Variants in FOXP1 observed in about 807,000 individuals in gnomAD.
The protein encoded by FOXP1 is forkhead box protein P1.
Under a neutral mutation model 98.2 loss-of-function variants are expected in FOXP1, and 15 were observed. That is an observed-to-expected ratio of 0.15 (90% CI 0.10 to 0.24). FOXP1 has a LOEUF of 0.24. Ranked by LOEUF, FOXP1 falls within the 10% of genes least tolerant of loss-of-function variation. The pLI, the probability that FOXP1 is intolerant of heterozygous loss-of-function variation, is 1.00. For synonymous variants in FOXP1, 371 were observed against 314.5 expected (o/e 1.18, Z -1.90); for missense variants, 633 against 848.5 (o/e 0.75, Z 3.15).
intron 5 of FOXP1, among the ~76,000 whole-genome samples, chr3:71,237,616 G>A (rs3732733): frequency 0.12 from 17,599 of 152,232 alleles, 1,216 homozygotes; most frequent in South Asian, 0.23. Context: ...AAGGAACGGT[G>A]CTAGGAAAGG....
chr3:71,369,328 T>C (rs1015480620), intron 3 of FOXP1, among the ~76,000 whole-genome samples: 1 of 152,104 alleles, frequency 6.6e-6, no homozygotes, highest in Non-Finnish European at 1.5e-5. Context: ...ATGCGGAGGC[T>C]GCAGTGAGCC....
chr3:71,279,865 T>G (rs1360238118), intron 5 of FOXP1, among the ~76,000 whole-genome samples: 1 of 152,074 alleles, frequency 6.6e-6, no homozygotes, highest in Non-Finnish European at 1.5e-5. Context: ...GGCTCATACC[T>G]GTAATCCCAG....
intron 14 of FOXP1, 76 bp downstream of exon 14, chr3:70,987,918 T>C (rs2040007573): frequency 9.5e-6 from 13 of 1,367,088 alleles, no homozygotes; most frequent in Non-Finnish European, 1.1e-5. Context: ...TCCTCCTTCC[T>C]CCATTTGGGG....
intron 6 of FOXP1, chr3:71,130,457 T>C: frequency 6.3e-7 from 1 of 1,588,664 alleles, no homozygotes; most frequent in South Asian, 1.1e-5. Flanking sequence ...TTTAAAAGTT[T>C]AACCCAGCAA....
At chr3:71,181,707 T>G (rs927142346) in intron 6 of FOXP1, among the ~76,000 whole-genome samples, 2 of 151,956 alleles carry the variant, frequency 1.3e-5, no homozygotes, top group African/African-American at 4.8e-5. Flanking sequence ...GGGAAGAAAC[T>G]TAGAAGTGGG....
At chr3:71,320,327 G>T (rs186985153) in intron 4 of FOXP1, among the ~76,000 whole-genome samples, 2 of 152,006 alleles carry the variant, frequency 1.3e-5, no homozygotes, top group East Asian at 1.9e-4. Context: ...GTTAGCCGCT[G>T]CTTGGTCCTC....
intron 7 of FOXP1, among the ~76,000 whole-genome samples, chr3:71,069,044 C>A (rs1001065327): frequency 6.6e-6 from 1 of 152,148 alleles, no homozygotes; most frequent in Non-Finnish European, 1.5e-5. Flanking sequence ...GCAGTTAGCT[C>A]CATATTGATA....
At chr3:71,170,135 CTT>C (rs2061577858) in intron 6 of FOXP1, among the ~76,000 whole-genome samples, 1 of 152,168 alleles carries the variant, frequency 6.6e-6, no homozygotes, top group Non-Finnish European at 1.5e-5. Flanking sequence ...AATAATGAGT[CTT>C]AATCTAAAAT....
intron 13 of FOXP1, among the ~76,000 whole-genome samples, chr3:70,999,823 C>T (rs1364548761): frequency 6.6e-6 from 1 of 152,300 alleles, no homozygotes; most frequent in East Asian, 1.9e-4. Context: ...TGTACTTAGC[C>T]TAGGGCTCTC....
chr3:71,524,066 C>G (rs1193308108), intron 2 of FOXP1, among the ~76,000 whole-genome samples: 1 of 152,182 alleles, frequency 6.6e-6, no homozygotes, highest in Non-Finnish European at 1.5e-5. Context: ...GAAACAACCT[C>G]AATTCAGTGA....
chr3:71,574,815 C>T (rs1219209070), intron 2 of FOXP1, among the ~76,000 whole-genome samples: 7 of 152,134 alleles, frequency 4.6e-5, no homozygotes, highest in Non-Finnish European at 8.8e-5. Flanking sequence ...TGGTGAAAAC[C>T]ACCGATGTTC....
At chr3:71,051,893 T>C (rs570239060) in intron 9 of FOXP1, among the ~76,000 whole-genome samples, 1 of 152,296 alleles carries the variant, frequency 6.6e-6, no homozygotes, top group East Asian at 1.9e-4. Flanking sequence ...TTATGGACAC[T>C]ACCAAGCGTG....
At chr3:71,468,414 G>C (rs2108574143) in intron 3 of FOXP1, among the ~76,000 whole-genome samples, 1 of 152,284 alleles carries the variant, frequency 6.6e-6, no homozygotes, top group Non-Finnish European at 1.5e-5. Flanking sequence ...TACCTTGAAA[G>C]ACTCTTGCCA....
intron 6 of FOXP1, among the ~76,000 whole-genome samples, chr3:71,119,584 T>C (rs976122176): frequency 2.0e-5 from 3 of 151,948 alleles, no homozygotes; most frequent in African/African-American, 7.2e-5. Context: ...ATCCTCTACA[T>C]ACTCTTTGAC....
chr3:71,057,480 A>T lies in FOXP1; in HGVS notation c.283-3707T>A, dbSNP rs1407626085. On this transcript the variant is annotated intron_variant, in intron 7 of 20. Transcript: ENST00000649528. ...ATTTAAATATAAGGCAAAAAAAAAAAAAAAATTTCCGATACTGTAACTACC... is the reference window on the plus strand; with the variant it reads ...ATTTAAATATAAGGCAAAAAAAAAATAAAAATTTCCGATACTGTAACTACC... Among the ~76,000 whole-genome samples, 3 of 151,370 alleles carry T rather than the reference A, an allele frequency of 2.0e-5. No individual in the cohort carries two copies. The East Asian group carries it at 5.8e-4, about 29-fold the overall frequency.
At chr3:71,462,120 C>T (rs1015035808) in intron 3 of FOXP1, among the ~76,000 whole-genome samples, 2 of 152,184 alleles carry the variant, frequency 1.3e-5, no homozygotes, top group African/African-American at 4.8e-5. Flanking sequence ...CCTTACAGGA[C>T]TGCACATAAA....
In FOXP1 at chr3:71,475,597, CTTTGGG is replaced by C. The variant is rs539215698; in HGVS notation, c.-168+17823_-168+17828del. Among the ~76,000 whole-genome samples the C allele has an allele frequency of 4.3e-3, 662 of 152,264 alleles. 4 individuals carry two copies. The highest frequency in any genetic ancestry group is 0.01 in the Middle Eastern group (3 of 294). On this transcript the variant is annotated intron_variant, in intron 3 of 20. Coordinates refer to ENST00000649528, the MANE Select transcript of FOXP1 (RefSeq NM_001349338.3). ...GTGACTCACGCCTGTAATCCCAGCA[CTTTGGG>C]AGGGTGAGGTGGGCAGATCACTTGA...
intron 11 of FOXP1, among the ~76,000 whole-genome samples, chr3:71,018,584 T>C (rs1305005057): frequency 6.6e-6 from 1 of 152,234 alleles, no homozygotes; most frequent in Non-Finnish European, 1.5e-5. Context: ...GTACACACTG[T>C]TGTCATTTGC....
intron 18 of FOXP1, 78 bp from the exon 19 acceptor site, chr3:70,970,883 T>C: frequency 8.9e-7 from 1 of 1,121,348 alleles, no homozygotes; most frequent in South Asian, 1.2e-5. Flanking sequence ...GTTTTAAGCT[T>C]GCTGGTGCCC....
Sources: gnomAD v4.1 joint callset for allele counts (sites outside exome capture counted in the v4.1 genomes callset) on GRCh38, gnomAD v4.1.1 for gene constraint, MANE v1.5 for transcripts, NCBI Gene and HGNC (gene_info 2026-07-23, HGNC 2026-07-21) for gene names.